POGZ: variants seen among roughly 807,000 people sequenced by gnomAD.
POGZ encodes the protein pogo transposable element derived with ZNF domain.
In POGZ, 17 loss-of-function variants were observed where a neutral mutation model predicts 134.6. The observed-to-expected ratio is 0.13, with a 90% CI of 0.09 to 0.19. POGZ has a LOEUF of 0.19. Ranked by LOEUF, POGZ falls within the 10% of genes least tolerant of loss-of-function variation. The pLI is 1.00. For synonymous variants in POGZ, 693 were observed against 657.1 expected (o/e 1.05, Z -0.84); for missense variants, 1,306 against 1,769.7 (o/e 0.74, Z 4.70).
intron 1 of POGZ, among the ~76,000 whole-genome samples, chr1:151,452,756 CGGAAGGCTGA>C (rs1464310849): frequency 6.6e-6 from 1 of 151,184 alleles, no homozygotes; most frequent in African/African-American, 2.4e-5. Flanking sequence ...CCCAGCTACT[CGGAAGGCTGA>C]GGCAGGATAA....
At chr1:151,449,255 CATAA>C (rs1661697229) in intron 1 of POGZ, among the ~76,000 whole-genome samples, 1 of 152,180 alleles carries the variant, frequency 6.6e-6, no homozygotes, top group African/African-American at 2.4e-5. Flanking sequence ...TCATAAAAGG[CATAA>C]ATAAATAATT....
chr1:151,417,691 CA>C (rs1656009573), intron 10 of POGZ, among the ~76,000 whole-genome samples: 1 of 10,582 alleles, frequency 9.5e-5, no homozygotes, highest in African/African-American at 2.3e-4. Flanking sequence ...ACTGTGGCCA[CA>C]CACACACACA....
rs556100963 is a variant in POGZ, at chr1:151,453,243, G to A, written c.-2+5909C>T. Among the ~76,000 whole-genome samples the A allele has an allele frequency of 3.6e-4, 55 of 151,978 alleles. 1 individual carries two copies. Among genetic ancestry groups the A allele is most frequent in the Non-Finnish European group, 6.3e-4 (43 of 68,010 alleles). ...CCTCTTTCTCCCTTTTCGCATGCGT[G>A]AAATTTTCTTAATAAAAACTGAGGT... is the stretch of plus-strand genomic sequence containing the variant. On this transcript the variant is annotated intron_variant, in intron 1 of 18. Transcript: ENST00000271715.
intron 10 of POGZ, among the ~76,000 whole-genome samples, chr1:151,415,512 T>C (rs1379022350): frequency 1.3e-5 from 2 of 151,510 alleles, no homozygotes; most frequent in East Asian, 2.0e-4. Context: ...CTACTAAAAA[T>C]GCAAAAAAAT....
chr1:151,450,191 C>G (rs1661873370), intron 1 of POGZ, among the ~76,000 whole-genome samples: 1 of 151,852 alleles, frequency 6.6e-6, no homozygotes, highest in Non-Finnish European at 1.5e-5. Context: ...ACCACCACGG[C>G]TGGCTAGTTT....
rs144435581 is a variant in POGZ at position 151,428,046 on chromosome 1, G to A, written c.860-5C>T. ...GTGGAGAGGGGAAGGAGGGAGCTAC[G>A]GTGACCAAGTGATAATCATCTGTTC... On this transcript the variant is annotated splice_region_variant and splice_polypyrimidine_tract_variant and intron_variant, in intron 6 of 18. Coordinates refer to ENST00000271715, the MANE Select transcript of POGZ (RefSeq NM_015100.4). The A allele has an allele frequency of 3.5e-4, 560 of 1,614,014 alleles. 1 individual carries two copies. In the African/African-American group the frequency reaches 6.2e-3, roughly 18 times the overall value.
At position 151,407,211 on chromosome 1, in the gene POGZ, T is replaced by C. The variant is rs373979372; in HGVS notation, c.2432+24A>G. 5.1e-5 allele frequency: 78 copies of C among 1,534,962 alleles called. 1 individual carries two copies. The highest frequency in any genetic ancestry group is 6.3e-5 in the Non-Finnish European group (71 of 1,119,250). On this transcript the variant is annotated intron_variant, in intron 16 of 18. Coordinates refer to ENST00000271715, the MANE Select transcript of POGZ (RefSeq NM_015100.4). ...AATGTAAAAACCTGAAAAATTAAGA[T>C]GCTGCCAATAAGTTTTTTCTTACCT...
At chr1:151,407,351 C>T (rs986135173) in intron 15 of POGZ, 60 bp from the exon 16 acceptor site, 1 of 1,173,492 alleles carries the variant, frequency 8.5e-7, no homozygotes, top group Non-Finnish European at 1.2e-6. Flanking sequence ...CTAGAGATCA[C>T]CAGCCAGTGA....
At chr1:151,421,980 C>T (rs943461634) in intron 10 of POGZ, among the ~76,000 whole-genome samples, 2 of 152,096 alleles carry the variant, frequency 1.3e-5, no homozygotes, top group Admixed American at 6.5e-5. Flanking sequence ...CTCCCCTGGC[C>T]TCAACTGATC....
At chr1:151,449,207 C>A (rs1001512375) in intron 1 of POGZ, among the ~76,000 whole-genome samples, 1 of 152,232 alleles carries the variant, frequency 6.6e-6, no homozygotes, top group Non-Finnish European at 1.5e-5. Flanking sequence ...GGGATTCATT[C>A]AACACCTGTA....
intron 10 of POGZ, among the ~76,000 whole-genome samples, chr1:151,414,122 T>C (rs1258717883): frequency 1.3e-5 from 2 of 152,038 alleles, no homozygotes; most frequent in Admixed American, 6.5e-5. Context: ...TATAACAACA[T>C]ATAAAAGCTG....
Position 151,428,428 on chromosome 1 carries a change from C to CA in POGZ, c.569-16dup, listed in dbSNP as rs1201491173. 4 of 1,611,040 alleles carry CA rather than the reference C, an allele frequency of 2.5e-6. No individual in the cohort carries two copies. The highest frequency in any genetic ancestry group is 3.4e-6 in the Non-Finnish European group (4 of 1,177,524). ...GGTACCTGGGGCTTTAAAAGAGAGA[C>CA]AAAGTACCAGATCTTGGTCAGTGAG... On this transcript the variant is annotated splice_polypyrimidine_tract_variant and intron_variant, in intron 5 of 18. Coordinates refer to ENST00000271715, the MANE Select transcript of POGZ (RefSeq NM_015100.4).
At chr1:151,415,274 A>G (rs570459392) in intron 10 of POGZ, among the ~76,000 whole-genome samples, 55 of 152,302 alleles carry the variant, frequency 3.6e-4, no homozygotes, top group Admixed American at 3.5e-3. Context: ...CCACTAACAC[A>G]AGATTTTTTG....
rs1654022398 is a variant in POGZ at position 151,408,225 on chromosome 1, C to T, written c.2250G>A (p.Arg750=). The T allele has an allele frequency of 6.2e-7, 1 of 1,612,920 alleles. No homozygotes were observed. Among genetic ancestry groups the T allele is most frequent in the Non-Finnish European group, 8.5e-7 (1 of 1,179,658 alleles). Residue 750 remains arginine, a synonymous_variant, in exon 15 of 19, where the codon CGG becomes CGA. Coordinates refer to ENST00000271715, the MANE Select transcript of POGZ (RefSeq NM_015100.4). ...RAVRKMSVMG[R]QTCLECSFEI... is the part of the protein sequence containing the mutation. ...CGAAGCTGCACTCCAGGCATGTCTG[C>T]CGGCCCATGACACTCCTGTGGGGGA...
chr1:151,409,692 C>G (rs1654327991), intron 12 of POGZ, among the ~76,000 whole-genome samples: 1 of 152,190 alleles, frequency 6.6e-6, no homozygotes, highest in Admixed American at 6.5e-5. Context: ...GTTGCCCAGG[C>G]TGGACTCCAC....
intron 1 of POGZ, among the ~76,000 whole-genome samples, chr1:151,446,634 T>C (rs896061188): frequency 1.5e-4 from 23 of 151,032 alleles, no homozygotes; most frequent in African/African-American, 5.1e-4. Flanking sequence ...CACACGCCTG[T>C]AATCCCAGCT....
At chr1:151,430,906 TTA>T (rs1658581915) in intron 3 of POGZ, 65 bp from the exon 4 acceptor site, 4 of 20,612 alleles carry the variant, frequency 1.9e-4, no homozygotes, top group Non-Finnish European at 1.6e-3. Context: ...ACATTTTACT[TTA>T]TTTTATTTTA....
In POGZ at chr1:151,434,394, A is replaced by G. The variant is rs374810531; in HGVS notation, c.284-3553T>C. 3.8e-4 allele frequency among the ~76,000 whole-genome samples: 57 copies of G among 151,978 alleles called. No individual in the cohort carries two copies. In the East Asian group the frequency reaches 9.1e-3, roughly 24 times the overall value. On this transcript the variant is annotated intron_variant, in intron 3 of 18. Coordinates refer to ENST00000271715, the MANE Select transcript of POGZ (RefSeq NM_015100.4). ...GGGGCCGAGGTGGGAGGATCGTTTG[A>G]GCCTGGGAGGTGGAGGGTGCAGTGA...
chr1:151,449,185 A>G (rs999282449), intron 1 of POGZ, among the ~76,000 whole-genome samples: 11 of 152,244 alleles, frequency 7.2e-5, no homozygotes, highest in Non-Finnish European at 1.2e-4. Context: ...GCTATACACT[A>G]CATCTGCAGA....
Sources: gnomAD v4.1 joint callset for allele counts (sites outside exome capture counted in the v4.1 genomes callset) on GRCh38, gnomAD v4.1.1 for gene constraint, MANE v1.5 for transcripts, NCBI Gene and HGNC (gene_info 2026-07-23, HGNC 2026-07-21) for gene names.